PRIMPOL: variants seen among roughly 807,000 people sequenced by gnomAD.
PRIMPOL encodes DNA-directed primase/polymerase protein.
Under a neutral mutation model 63.6 loss-of-function variants are expected in PRIMPOL, and 54 were observed. The ratio of observed to expected loss-of-function variants is 0.85; its 90% confidence interval spans 0.68 to 1.07. The LOEUF is 1.07. Ranked by LOEUF, PRIMPOL falls within the 50% of genes least tolerant of loss-of-function variation. The pLI is 0.00. For synonymous variants in PRIMPOL, 197 were observed against 220.2 expected (o/e 0.89, Z 0.93); for missense variants, 610 against 648.3 (o/e 0.94, Z 0.64).
intron 2 of PRIMPOL, among the ~76,000 whole-genome samples, chr4:184,653,258 A>G (rs1037247174): frequency 2.6e-5 from 4 of 152,124 alleles, no homozygotes; most frequent in African/African-American, 9.7e-5. Flanking sequence ...CAGACCATCA[A>G]GTGTCACAGC....
At chr4:184,658,314 A>G (rs954764277) in intron 3 of PRIMPOL, among the ~76,000 whole-genome samples, 3 of 152,200 alleles carry the variant, frequency 2.0e-5, no homozygotes, top group Non-Finnish European at 4.4e-5. Flanking sequence ...CAAGCAGCAG[A>G]AATTAAAATA....
At chr4:184,667,374 G>A (rs978398690) in intron 6 of PRIMPOL, among the ~76,000 whole-genome samples, 17 of 151,686 alleles carry the variant, frequency 1.1e-4, no homozygotes, top group Admixed American at 1.0e-3. Context: ...GCAGTGGCAC[G>A]TTCTTGGCTC....
At chr4:184,692,794 T>G (rs1400700263) in intron 13 of PRIMPOL, among the ~76,000 whole-genome samples, 1 of 152,154 alleles carries the variant, frequency 6.6e-6, no homozygotes, top group East Asian at 1.9e-4. Flanking sequence ...GCAGTGCTTG[T>G]TTACCTCGAA....
At chr4:184,655,470 C>T (rs1422827183) in intron 2 of PRIMPOL, among the ~76,000 whole-genome samples, 1 of 150,928 alleles carries the variant, frequency 6.6e-6, no homozygotes, top group African/African-American at 2.4e-5. Context: ...TATAGGTGCC[C>T]ACCACCATGC....
chr4:184,661,953 C>G (rs772644508), intron 5 of PRIMPOL, 50 bp downstream of exon 5: 2 of 1,526,918 alleles, frequency 1.3e-6, no homozygotes, highest in Non-Finnish European at 1.8e-6. Context: ...TCTTCATTGG[C>G]TTATTCATTC....
chr4:184,659,275 A>G, intron 3 of PRIMPOL, 65 bp from the exon 4 acceptor site: 1 of 1,120,954 alleles, frequency 8.9e-7, no homozygotes, highest in Non-Finnish European at 1.3e-6. Context: ...AACATTCAGT[A>G]GCTACAGTTG....
intron 4 of PRIMPOL, among the ~76,000 whole-genome samples, chr4:184,659,747 C>T (rs963682907): frequency 6.6e-6 from 1 of 152,064 alleles, no homozygotes; most frequent in Non-Finnish European, 1.5e-5. Flanking sequence ...TGTTACTTAC[C>T]TAGTAATGAA....
intron 6 of PRIMPOL, among the ~76,000 whole-genome samples, 155 bp downstream of exon 6, chr4:184,666,219 A>G (rs1314976473): frequency 2.6e-5 from 4 of 152,186 alleles, no homozygotes; most frequent in East Asian, 3.8e-4. Context: ...CACACCTGCA[A>G]TTCTAGCACT....
chr4:184,694,033 T>TA, intron 13 of PRIMPOL, among the ~76,000 whole-genome samples: 1 of 152,356 alleles, frequency 6.6e-6, no homozygotes, highest in South Asian at 2.1e-4. Context: ...GAAGACATTC[T>TA]ATGGTAAAAT....
At chr4:184,667,887 G>C (rs140402989) in intron 6 of PRIMPOL, among the ~76,000 whole-genome samples, 1 of 151,970 alleles carries the variant, frequency 6.6e-6, no homozygotes, top group African/African-American at 2.4e-5. Flanking sequence ...TCTACATTCT[G>C]TTCACTTATT....
rs550662152 is a variant in PRIMPOL, at chr4:184,664,781, A to C, written c.409-1136A>C. On this transcript the variant is annotated intron_variant, in intron 5 of 13. Transcript: ENST00000314970. The stretch of plus-strand genomic sequence containing the variant: ...CTGCTTCTACAGAGGGAGAGAACAA[A>C]TATGGAGGAAGAGCCCCTGTAATAC... Among the ~76,000 whole-genome samples, 234 of 152,350 alleles carry C rather than the reference A, an allele frequency of 1.5e-3. 1 individual carries two copies. The highest frequency in any genetic ancestry group is 2.8e-3 in the Non-Finnish European group (190 of 68,044).
rs1173569080 is a variant in PRIMPOL, at chr4:184,682,231, A to T, written c.1008-17A>T. On this transcript the variant is annotated splice_polypyrimidine_tract_variant and intron_variant, in intron 8 of 13. Transcript: ENST00000314970. ...AGTGTGATGGTGCTTTGTTTCTTTT[A>T]CCTATTTCTTCTTCAGGTTCTCAGA... The T allele has an allele frequency of 2.8e-6, 4 of 1,417,076 alleles. No individual in the cohort carries two copies. The South Asian group carries it at 4.7e-5, about 17-fold the overall frequency. 87.8% of individuals were successfully genotyped at this position (1,417,076 alleles called of 1,614,324 possible). A position where few individuals can be genotyped will look rare whatever the true frequency, so the allele number is the denominator to read the frequency against.
chr4:184,693,382 TCTAGTAACACCTCA>T (rs1211594774), intron 13 of PRIMPOL, among the ~76,000 whole-genome samples: 3 of 152,158 alleles, frequency 2.0e-5, no homozygotes, highest in Non-Finnish European at 4.4e-5. Context: ...TTTCCGCTTA[TCTAGTAACACCTCA>T]AAAATGCCAA....
intron 7 of PRIMPOL, among the ~76,000 whole-genome samples, chr4:184,673,275 G>A (rs1245419897): frequency 2.4e-4 from 36 of 148,026 alleles, no homozygotes; most frequent in Non-Finnish European, 2.4e-4. Context: ...GACTACAGGC[G>A]CCCGCCACCG....
chr4:184,672,837 G>A (rs540921511), intron 7 of PRIMPOL, among the ~76,000 whole-genome samples: 3 of 152,270 alleles, frequency 2.0e-5, no homozygotes, highest in African/African-American at 4.8e-5. Context: ...CGTGTGGCGC[G>A]GTGAGCCTGG....
chr4:184,675,235 ATCT>A (rs772242349), intron 7 of PRIMPOL, among the ~76,000 whole-genome samples: 1 of 152,160 alleles, frequency 6.6e-6, no homozygotes, highest in African/African-American at 2.4e-5. Flanking sequence ...TTAATACTCC[ATCT>A]TTAAAACATT....
chr4:184,682,248 G>C lies in PRIMPOL; in HGVS notation c.1008G>C (p.Arg336Ser). 1.3e-6 allele frequency: 2 copies of C among 1,554,168 alleles called. No homozygotes were observed. Among genetic ancestry groups the C allele is most frequent in the Non-Finnish European group, 1.8e-6 (2 of 1,128,768 alleles). Residue 336 changes from arginine (R) to serine (S), a missense_variant and splice_region_variant, in exon 9 of 14, where the codon AGG becomes AGC. Physicochemically the swap from Arg to Ser is moderately radical, Grantham distance 110 (BLOSUM62 -1). This residue lies in a region of PRIMPOL where 444 missense variants were observed against 456.4 expected (regional missense o/e 0.97). Coordinates refer to ENST00000314970, the MANE Select transcript of PRIMPOL (RefSeq NM_152683.4). ...YFLSSLVSNV[R>S]FSDTLRILTC... ...TTTCTTTTACCTATTTCTTCTTCAG[G>C]TTCTCAGATACTTTACGAATTCTTA...
chr4:184,692,525 A>G lies in PRIMPOL; in HGVS notation c.1425+813A>G, dbSNP rs140715278. On this transcript the variant is annotated intron_variant, in intron 13 of 13. Coordinates refer to ENST00000314970, the MANE Select transcript of PRIMPOL (RefSeq NM_152683.4). Reference sequence around the variant, plus strand: ...AAATACATAAAATTAGGAAATACACAAGAAGCAAAGAGGAAAGAATCTTCC... The same window carrying G: ...AAATACATAAAATTAGGAAATACACGAGAAGCAAAGAGGAAAGAATCTTCC... Among the ~76,000 whole-genome samples the G allele has an allele frequency of 4.8e-3, 731 of 151,994 alleles. 8 individuals are homozygous for G. The highest frequency in any genetic ancestry group is 0.017 in the African/African-American group (701 of 41,482).
intron 7 of PRIMPOL, among the ~76,000 whole-genome samples, chr4:184,676,423 TC>T (rs1753482306): frequency 1.3e-5 from 1 of 76,492 alleles, no homozygotes; most frequent in Non-Finnish European, 2.4e-5. Context: ...CCTTCCCTTC[TC>T]CCTTCCCCCT....
Sources: allele counts gnomAD v4.1 joint callset (sites outside exome capture counted in the v4.1 genomes callset), GRCh38; gene constraint gnomAD v4.1.1; regional missense constraint gnomAD v4.1.1; transcripts MANE v1.5; gene names NCBI Gene and HGNC (gene_info 2026-07-23, HGNC 2026-07-21).